HTRA1: variants seen among roughly 807,000 people sequenced by gnomAD.
The protein encoded by HTRA1 is HtrA serine peptidase 1.
A neutral mutation model predicts 49.7 loss-of-function variants in HTRA1; 26 were observed. That is an observed-to-expected ratio of 0.52 (90% CI 0.38 to 0.73). HTRA1 has a LOEUF of 0.73. HTRA1 is among the 30% of genes least tolerant of loss of function. HTRA1 has a pLI of 0.00. For synonymous variants in HTRA1, 291 were observed against 286.9 expected, an observed-to-expected ratio of 1.01 and a Z score of -0.14; for missense variants, 561 against 667.2, an observed-to-expected ratio of 0.84 and a Z score of 1.75.
At position 122,461,738 on chromosome 10, in the gene HTRA1, G is replaced by C; in HGVS notation, c.86G>C (p.Arg29Pro). Residue 29 changes from arginine (R) to proline (P), a missense_variant, in exon 1 of 9, where the codon CGC becomes CCC. Coordinates refer to ENST00000368984, the MANE Select transcript of HTRA1 (RefSeq NM_002775.5). ...TCGGCGCAGCTGTCCCGGGCCGGCC[G>C]CTCGGCGCCTTTGGCCGCCGGGTGC... Reference protein sequence around the residue: ...PASAQLSRAGRSAPLAAGCPD... With the variant: ...PASAQLSRAGPSAPLAAGCPD... The C allele has an allele frequency of 1.7e-6, 2 of 1,155,606 alleles. No individual in the cohort carries two copies. The highest frequency in any genetic ancestry group is 2.1e-6 in the Non-Finnish European group (2 of 932,242). 71.6% of individuals were successfully genotyped at this position (1,155,606 alleles called of 1,614,324 possible).
Position 122,461,686 on chromosome 10 carries a change from C to CCT in HTRA1, c.34_35insCT (p.Leu12ProfsTer204), listed in dbSNP as rs552775933. ...CCCGCGCGCCGCTCTTCTCCCGCTG[C>CCT]TGCTGCTGCTGCTGGCGGCGCCCGC... On this transcript the variant is annotated frameshift_variant, in exon 1 of 9. Coordinates refer to ENST00000368984, the MANE Select transcript of HTRA1 (RefSeq NM_002775.5). LOFTEE classifies it high-confidence loss of function. 1.0e-3 allele frequency: 1,323 copies of CCT among 1,304,364 alleles called. 10 individuals are homozygous for CCT. In the East Asian group the frequency reaches 0.031, roughly 30 times the overall value. 80.8% of individuals were successfully genotyped at this position (1,304,364 alleles called of 1,614,324 possible). A position where few individuals can be genotyped will look rare whatever the true frequency, so the allele number is the denominator to read the frequency against.
At position 122,489,474 on chromosome 10, in the gene HTRA1, G is replaced by A. The variant is rs1326505941; in HGVS notation, c.625G>A (p.Val209Met). Residue 209 changes from valine to methionine, a missense_variant, in exon 3 of 9, where the codon GTG becomes ATG. Physicochemically the swap from Val to Met is conservative, Grantham distance 21 (BLOSUM62 1). Around this residue, in one of 3 missense-constraint regions of HTRA1, gnomAD observed 271 missense variants for 410.0 expected, o/e 0.66. Transcript: ENST00000368984. ...GGTGGCTAGTGGGTCTGGGTTTATT[G>A]TGTCGGAAGATGGACTGATCGTGAC... ...VPVASGSGFI[V>M]SEDGLIVTNA... The A allele has an allele frequency of 4.3e-6, 7 of 1,614,098 alleles. No individual in the cohort carries two copies. In the Admixed American group the frequency reaches 1.2e-4, roughly 27 times the overall value.
At chr10:122,513,191 C>T (rs1008307503) in intron 8 of HTRA1, among the ~76,000 whole-genome samples, 5 of 152,116 alleles carry the variant, frequency 3.3e-5, no homozygotes, top group South Asian at 2.1e-4. Context: ...ACCATGACAG[C>T]GTTTTGACGC....
At chr10:122,474,508 GC>G (rs904249324) in intron 1 of HTRA1, among the ~76,000 whole-genome samples, 1 of 152,162 alleles carries the variant, frequency 6.6e-6, no homozygotes, top group Non-Finnish European at 1.5e-5. Context: ...ACCCGGGTGG[GC>G]ACTGCCTCCC....
intron 3 of HTRA1, among the ~76,000 whole-genome samples, chr10:122,499,571 C>G (rs1007361154): frequency 6.6e-6 from 1 of 152,120 alleles, no homozygotes; most frequent in Non-Finnish European, 1.5e-5. Context: ...TTCACAGTTC[C>G]TCCCCTGCCC....
At chr10:122,495,309 A>G (rs1191651297) in intron 3 of HTRA1, among the ~76,000 whole-genome samples, 1 of 152,086 alleles carries the variant, frequency 6.6e-6, no homozygotes, top group African/African-American at 2.4e-5. Flanking sequence ...GAGAACTCTG[A>G]GGGCTACCAT....
Position 122,461,770 on chromosome 10 carries a change from C to T in HTRA1, c.118C>T (p.Arg40Cys), listed in dbSNP as rs981868016. The T allele has an allele frequency of 1.9e-6, 2 of 1,057,126 alleles. No individual in the cohort carries two copies. Among genetic ancestry groups the T allele is most frequent in the African/African-American group, 3.4e-5 (2 of 58,198 alleles). The allele number at this position is 1,057,126 out of a possible 1,614,324, so 65.5% of individuals were successfully genotyped here. Residue 40 changes from arginine to cysteine, a missense_variant, in exon 1 of 9, where the codon CGC (arginine) becomes TGC (cysteine). This residue lies in a region of HTRA1 where 111 missense variants were observed against 83.7 expected (regional missense o/e 1.33). Transcript: ENST00000368984. Reference protein sequence around the residue: ...SAPLAAGCPDRCEPARCPPQP... With the variant: ...SAPLAAGCPDCCEPARCPPQP... ...GCCTTTGGCCGCCGGGTGCCCAGACCGCTGCGAGCCGGCGCGCTGCCCGCC... is the reference window on the plus strand; with the variant it reads ...GCCTTTGGCCGCCGGGTGCCCAGACTGCTGCGAGCCGGCGCGCTGCCCGCC...
intron 8 of HTRA1, among the ~76,000 whole-genome samples, chr10:122,513,821 T>C (rs1374576535): frequency 2.0e-5 from 3 of 151,692 alleles, no homozygotes; most frequent in Non-Finnish European, 4.4e-5. Flanking sequence ...CTCCACCTCC[T>C]GGGTTCAAGT....
At chr10:122,488,518 C>T (rs768341667) in intron 1 of HTRA1, among the ~76,000 whole-genome samples, 3 of 152,086 alleles carry the variant, frequency 2.0e-5, no homozygotes, top group Non-Finnish European at 4.4e-5. Flanking sequence ...GCCAAGATTG[C>T]GCCATTGCAC....
chr10:122,461,968 C>G lies in HTRA1; in HGVS notation c.316C>G (p.Gln106Glu), dbSNP rs1489364241. The G allele has an allele frequency of 1.3e-6, 2 of 1,504,406 alleles. No individual in the cohort carries two copies. 93.2% of individuals were successfully genotyped at this position (1,504,406 alleles called of 1,614,324 possible). Residue 106 changes from glutamine (Q) to glutamate (E), a missense_variant, in exon 1 of 9, where the codon CAG becomes GAG. Coordinates refer to ENST00000368984, the MANE Select transcript of HTRA1 (RefSeq NM_002775.5). ...PASATVRRRA[Q>E]AGLCVCASSE... ...CTCGGCCACGGTGCGGCGGCGCGCGCAGGCCGGCCTCTGTGTGTGCGCCAG... is the reference window on the plus strand; with the variant it reads ...CTCGGCCACGGTGCGGCGGCGCGCGGAGGCCGGCCTCTGTGTGTGCGCCAG...
At chr10:122,474,489 G>T (rs1234423987) in intron 1 of HTRA1, among the ~76,000 whole-genome samples, 1 of 152,136 alleles carries the variant, frequency 6.6e-6, no homozygotes, top group African/African-American at 2.4e-5. Flanking sequence ...CACCAGGGGG[G>T]CAGACTCAAC....
At position 122,489,607 on chromosome 10, in the gene HTRA1, T is replaced by C; in HGVS notation, c.758T>C (p.Leu253Pro). The C allele has an allele frequency of 6.2e-7, 1 of 1,613,636 alleles. No individual in the cohort carries two copies. Among genetic ancestry groups the C allele is most frequent in the Non-Finnish European group, 8.5e-7 (1 of 1,179,938 alleles). ...GTGGATGAGAAAGCAGACATCGCAC[T>C]CATCAAAATTGACCACCAGGTAAGG... ...KDVDEKADIALIKIDHQGKLP... is the reference protein window; with the variant it reads ...KDVDEKADIAPIKIDHQGKLP... The change falls in exon 3 of 9, where the codon CTC becomes CCC. Residue 253 changes from leucine to proline, a missense_variant. This residue lies in a region of HTRA1 where 271 missense variants were observed against 410.0 expected (regional missense o/e 0.66). Transcript: ENST00000368984.
At chr10:122,477,758 TCTC>T (rs552050572) in intron 1 of HTRA1, among the ~76,000 whole-genome samples, 74 of 152,264 alleles carry the variant, frequency 4.9e-4, no homozygotes, top group African/African-American at 1.6e-3. Flanking sequence ...CACGGTTACT[TCTC>T]CTTGTCCTTT....
intron 2 of HTRA1, among the ~76,000 whole-genome samples, 172 bp downstream of exon 2, chr10:122,489,173 A>G (rs1023312640): frequency 1.3e-5 from 2 of 152,172 alleles, no homozygotes; most frequent in Non-Finnish European, 2.9e-5. Flanking sequence ...ATATAAATCT[A>G]CATTCTTGAC....
chr10:122,481,268 AC>A (rs1280018481), intron 1 of HTRA1, among the ~76,000 whole-genome samples: 1 of 151,012 alleles, frequency 6.6e-6, no homozygotes, highest in African/African-American at 2.4e-5. Flanking sequence ...TAGCAATTTA[AC>A]TAGACACAGA....
At chr10:122,486,731 G>A (rs1033091150) in intron 1 of HTRA1, among the ~76,000 whole-genome samples, 2 of 147,026 alleles carry the variant, frequency 1.4e-5, no homozygotes, top group Admixed American at 1.4e-4. Flanking sequence ...CTCTAGTGAT[G>A]AGAGAGGCGT....
intron 8 of HTRA1, among the ~76,000 whole-genome samples, chr10:122,513,374 A>T (rs1205987608): frequency 6.6e-6 from 1 of 152,202 alleles, no homozygotes; most frequent in Admixed American, 6.5e-5. Context: ...ACTACGTGGC[A>T]GATAGTACCT....
chr10:122,498,285 C>G (rs2097499572), intron 3 of HTRA1, among the ~76,000 whole-genome samples: 1 of 152,118 alleles, frequency 6.6e-6, no homozygotes, highest in South Asian at 2.1e-4. Context: ...ACCTTCTCTA[C>G]TCCCCTCCCT....
At position 122,487,575 on chromosome 10, in the gene HTRA1, C is replaced by T. The variant is rs111707708; in HGVS notation, c.473-1327C>T. Among the ~76,000 whole-genome samples, 1 of 152,216 alleles carries T rather than the reference C, an allele frequency of 6.6e-6. No individual in the cohort carries two copies. Among genetic ancestry groups the T allele is most frequent in the Non-Finnish European group, 1.5e-5 (1 of 68,040 alleles). On this transcript the variant is annotated intron_variant, in intron 1 of 8. Transcript: ENST00000368984. This position sits in a 1 kb window ranked among gnomAD's most constrained non-coding sequence, Gnocchi z 4.8. Reference sequence around the variant, plus strand: ...AAAGTAGCTTTGGAAACGCCCACCACGTGGGGCCACTCACTGTAATATAAA... The same window carrying T: ...AAAGTAGCTTTGGAAACGCCCACCATGTGGGGCCACTCACTGTAATATAAA...
Sources: gnomAD v4.1 joint callset for allele counts (sites outside exome capture counted in the v4.1 genomes callset) on GRCh38, gnomAD v4.1.1 for gene constraint, gnomAD v4.1.1 regional missense constraint, Gnocchi (gnomAD v3.1) non-coding constraint, MANE v1.5 for transcripts, NCBI Gene and HGNC (gene_info 2026-07-23, HGNC 2026-07-21) for gene names.